The following UBE2Q1 variants were observed in gnomAD, a reference collection of about 807,000 sequenced individuals.
UBE2Q1 encodes ubiquitin-conjugating enzyme E2 Q1.
UBE2Q1 carries 6 observed loss-of-function variants against 60.1 expected under a neutral mutation model. The observed-to-expected ratio is 0.10, with a 90% confidence interval of 0.05 to 0.20. The LOEUF is 0.20. UBE2Q1 is among the 10% of genes least tolerant of loss of function. The probability of loss-of-function intolerance (pLI) is 1.00; values close to 1 mark genes in which losing one functional copy is unlikely to be tolerated. For missense variants in UBE2Q1, 262 were observed against 525.8 expected (o/e 0.50, Z 4.91); for synonymous variants, 226 against 208.3 (o/e 1.09, Z -0.73).
chr1:154,552,233 T>C, intron 7 of UBE2Q1, 50 bp from the exon 8 acceptor site: 2 of 1,606,418 alleles, frequency 1.2e-6, no homozygotes, highest in Non-Finnish European at 1.7e-6. Context: ...CCTCAGGAGC[T>C]TCATAAGGGC....
In UBE2Q1 at chr1:154,549,102, C is replaced by T. The variant is rs1228335474; in HGVS notation, c.*1336G>A. The T allele has an allele frequency of 6.6e-6, 1 of 152,162 alleles. No homozygotes were observed. Among genetic ancestry groups the T allele is most frequent in the Non-Finnish European group, 1.5e-5 (1 of 68,022 alleles). 9.4% of individuals were successfully genotyped at this position (152,162 alleles called of 1,614,324 possible). A position where few individuals can be genotyped will look rare whatever the true frequency, so the allele number is the denominator to read the frequency against. On this transcript the variant is annotated 3_prime_UTR_variant, in exon 13 of 13. Coordinates refer to ENST00000292211, the MANE Select transcript of UBE2Q1 (RefSeq NM_017582.7). Reference sequence around the variant, plus strand: ...CACTGTTAATGAGAGCTGCTGGCATCGTAGGTCCTAAGAGGCTGAGTCCCA... The same window carrying T: ...CACTGTTAATGAGAGCTGCTGGCATTGTAGGTCCTAAGAGGCTGAGTCCCA...
At position 154,556,555 on chromosome 1, in the gene UBE2Q1, C is replaced by A. The variant is rs74790218; in HGVS notation, c.328-591G>T. On this transcript the variant is annotated intron_variant, in intron 1 of 12. Coordinates refer to ENST00000292211, the MANE Select transcript of UBE2Q1 (RefSeq NM_017582.7). Reference sequence around the variant, plus strand: ...ATTCTCCCCACCTCTCCCTTGGGAACCTGCCACCTTCTCAGTCCAGGCGTG... The same window carrying A: ...ATTCTCCCCACCTCTCCCTTGGGAAACTGCCACCTTCTCAGTCCAGGCGTG... Among the ~76,000 whole-genome samples, 1,378 of 152,350 alleles carry A rather than the reference C, an allele frequency of 9.0e-3. 21 individuals are homozygous for A. Among genetic ancestry groups the A allele is most frequent in the African/African-American group, 0.032 (1,310 of 41,568 alleles).
chr1:154,558,548 C>A lies in UBE2Q1; in HGVS notation c.6G>T (p.Gln2His). 1 of 1,066,074 alleles carries A rather than the reference C, an allele frequency of 9.4e-7. No individual in the cohort carries two copies. Among genetic ancestry groups the A allele is most frequent in the Non-Finnish European group, 1.1e-6 (1 of 889,416 alleles). 66.0% of individuals were successfully genotyped at this position (1,066,074 alleles called of 1,614,324 possible). The change falls in exon 1 of 13, where the codon CAG becomes CAT. Residue 2 changes from glutamine to histidine, a missense_variant. By Grantham distance (24) the Gln-to-His change is conservative. Around this residue, in one of 5 missense-constraint regions of UBE2Q1, gnomAD observed 70 missense variants for 56.7 expected, o/e 1.24. Coordinates refer to ENST00000292211, the MANE Select transcript of UBE2Q1 (RefSeq NM_017582.7). M[Q>H]QPQPQGQQQP... ...GCTGCTGCCCCTGCGGCTGCGGCTG[C>A]TGCATCCTCCGCTCCGCTCCGCTCC...
chr1:154,550,891 G>C, intron 12 of UBE2Q1, 47 bp downstream of exon 12: 2 of 1,613,880 alleles, frequency 1.2e-6, no homozygotes, highest in Non-Finnish European at 1.7e-6. Flanking sequence ...GTGAAAACCT[G>C]GGTGTGGCAA....
At position 154,555,545 on chromosome 1, in the gene UBE2Q1, G is replaced by A; in HGVS notation, c.433-13C>T. 1.9e-6 allele frequency: 3 copies of A among 1,609,192 alleles called. No homozygotes were observed. The highest frequency in any genetic ancestry group is 2.6e-6 in the Non-Finnish European group (3 of 1,175,566). The stretch of plus-strand genomic sequence containing the variant: ...GATGCTGCAATAGCTACAGGTAGGG[G>A]AGCACAGAGACATCAAATCCTTCCC... On this transcript the variant is annotated splice_polypyrimidine_tract_variant and intron_variant, in intron 2 of 12. Transcript: ENST00000292211.
intron 7 of UBE2Q1, 52 bp downstream of exon 7, chr1:154,552,352 C>T: frequency 1.2e-6 from 2 of 1,608,868 alleles, no homozygotes; most frequent in South Asian, 2.2e-5. Context: ...CCACAGTAGC[C>T]CCACTCACAC....
chr1:154,555,227 T>C lies in UBE2Q1; in HGVS notation c.537+201A>G, dbSNP rs543882081. The stretch of plus-strand genomic sequence containing the variant: ...TGCTGCCCATGAGAATGAATTTTGA[T>C]ATCAGAGATGAAGCTACCAGTGCCC... On this transcript the variant is annotated intron_variant, in intron 3 of 12. Transcript: ENST00000292211. 7.9e-5 allele frequency among the ~76,000 whole-genome samples: 12 copies of C among 152,352 alleles called. No individual in the cohort carries two copies. In the East Asian group the frequency reaches 2.3e-3, roughly 29 times the overall value.
In UBE2Q1 at chr1:154,548,969, C is replaced by CA. The variant is rs1159978859; in HGVS notation, c.*1468dup. On this transcript the variant is annotated 3_prime_UTR_variant, in exon 13 of 13. Transcript: ENST00000292211. ...GGCCAATGTGAAAATTGCTGTGTCTCAAAGCATTACAGAACTGCTCTAGCA... is the reference window on the plus strand; with the variant it reads ...GGCCAATGTGAAAATTGCTGTGTCTCAAAAGCATTACAGAACTGCTCTAGCA... The CA allele has an allele frequency of 6.6e-6, 1 of 152,624 alleles. No individual in the cohort carries two copies. The highest frequency in any genetic ancestry group is 2.4e-5 in the African/African-American group (1 of 41,444). 9.5% of individuals were successfully genotyped at this position (152,624 alleles called of 1,614,324 possible).
At chr1:154,554,017 T>C (rs935295127) in intron 4 of UBE2Q1, among the ~76,000 whole-genome samples, 1 of 152,276 alleles carries the variant, frequency 6.6e-6, no homozygotes, top group African/African-American at 2.4e-5. Context: ...TGGCAGGACA[T>C]ACCTAATTAC....
chr1:154,554,208 G>A (rs1235081211), intron 4 of UBE2Q1, among the ~76,000 whole-genome samples: 3 of 152,202 alleles, frequency 2.0e-5, no homozygotes, highest in African/African-American at 7.2e-5. Flanking sequence ...ACAGCTCTTA[G>A]CAGAGCTAAG....
rs1695742089 is a variant in UBE2Q1, at chr1:154,548,763, G to A, written c.*1675C>T. On this transcript the variant is annotated 3_prime_UTR_variant, in exon 13 of 13. Transcript: ENST00000292211. ...AAACCAGATTTCAGCTCTATGGAAT[G>A]AATTTTCCCCTTATGTCCCGTCTTT... 1 of 152,610 alleles carries A rather than the reference G, an allele frequency of 6.6e-6. No homozygotes were observed. The highest frequency in any genetic ancestry group is 1.5e-5 in the Non-Finnish European group (1 of 68,054). 9.5% of individuals were successfully genotyped at this position (152,610 alleles called of 1,614,324 possible). A position where few individuals can be genotyped will look rare whatever the true frequency, so the allele number is the denominator to read the frequency against.
chr1:154,553,034 T>G lies in UBE2Q1; in HGVS notation c.727A>C (p.Asn243His), dbSNP rs373938647. ...GCCTCTCTCTAGAAGGCACGTACATTTAAGTAATCTTGCCTCTGGTTCTTT... is the reference window on the plus strand; with the variant it reads ...GCCTCTCTCTAGAAGGCACGTACATGTAAGTAATCTTGCCTCTGGTTCTTT... ...IKKNQRQDYLNGAVSGSVQAT... is the reference protein window; with the variant it reads ...IKKNQRQDYLHGAVSGSVQAT... Residue 243 changes from asparagine (N) to histidine (H), a missense_variant and splice_region_variant, in exon 5 of 13, where the codon AAT (asparagine) becomes CAT (histidine). Around this residue, in one of 5 missense-constraint regions of UBE2Q1, gnomAD observed 111 missense variants for 266.8 expected, o/e 0.42. Coordinates refer to ENST00000292211, the MANE Select transcript of UBE2Q1 (RefSeq NM_017582.7). The G allele has an allele frequency of 1.0e-4, 166 of 1,613,820 alleles. No individual in the cohort carries two copies. The highest frequency in any genetic ancestry group is 1.2e-4 in the Non-Finnish European group (146 of 1,179,992).
intron 1 of UBE2Q1, among the ~76,000 whole-genome samples, chr1:154,556,956 C>T (rs1371104013): frequency 3.3e-5 from 5 of 152,320 alleles, no homozygotes; most frequent in Admixed American, 2.0e-4. Context: ...CTCTAATCCT[C>T]AATGCTGGAG....
Position 154,551,797 on chromosome 1 carries a change from T to C in UBE2Q1, c.1048A>G (p.Ile350Val). 1 of 1,614,178 alleles carries C rather than the reference T, an allele frequency of 6.2e-7. No individual in the cohort carries two copies. Among genetic ancestry groups the C allele is most frequent in the Non-Finnish European group, 8.5e-7 (1 of 1,180,018 alleles). The stretch of plus-strand genomic sequence containing the variant: ...TGTTTGGTGAGAAGTTCCATGCAGA[T>C]GGCCCCTCCGCCCAGAACATACCTG... ...SGGYVLGGGAICMELLTKQGW... is the reference protein window; with the variant it reads ...SGGYVLGGGAVCMELLTKQGW... The change falls in exon 10 of 13, where the codon ATC becomes GTC. Residue 350 changes from isoleucine to valine, a missense_variant. By Grantham distance (29) the Ile-to-Val change is conservative. Coordinates refer to ENST00000292211, the MANE Select transcript of UBE2Q1 (RefSeq NM_017582.7).
intron 1 of UBE2Q1, among the ~76,000 whole-genome samples, chr1:154,556,296 C>G (rs981904955): frequency 1.3e-5 from 2 of 152,198 alleles, no homozygotes; most frequent in African/African-American, 4.8e-5. Flanking sequence ...ACTGCCTATA[C>G]AAGTTCTAGA....
In UBE2Q1 at chr1:154,552,147, C is replaced by G. The variant is rs1244213945; in HGVS notation, c.912G>C (p.Gln304His). Residue 304 changes from glutamine to histidine, a missense_variant, in exon 8 of 13, where the codon CAG (glutamine) becomes CAC (histidine). By Grantham distance (24) the Gln-to-His change is conservative. Transcript: ENST00000292211. ...DQDSALHNDLQILKEKEGADF... is the reference protein window; with the variant it reads ...DQDSALHNDLHILKEKEGADF... ...CGGCTCCTTCTTTCTCTTTGAGGATCTGGAGATCGTTGTGCAAAGCGCTGT... is the reference window on the plus strand; with the variant it reads ...CGGCTCCTTCTTTCTCTTTGAGGATGTGGAGATCGTTGTGCAAAGCGCTGT... 7.4e-6 allele frequency: 12 copies of G among 1,614,126 alleles called. No homozygotes were observed. Among genetic ancestry groups the G allele is most frequent in the Admixed American group, 1.7e-5 (1 of 60,004 alleles).
chr1:154,551,740 C>A (rs766863558), intron 10 of UBE2Q1, 31 bp downstream of exon 10: 1 of 1,614,148 alleles, frequency 6.2e-7, no homozygotes, highest in Admixed American at 1.7e-5. Context: ...CCGCCCAGGC[C>A]GGCCTGGCCA....
chr1:154,556,504 C>G (rs1224120493), intron 1 of UBE2Q1, among the ~76,000 whole-genome samples: 3 of 152,362 alleles, frequency 2.0e-5, no homozygotes, highest in East Asian at 3.9e-4. Context: ...ACCCACACCA[C>G]TTCCAGAAGA....
At chr1:154,552,360 C>G in intron 7 of UBE2Q1, 44 bp downstream of exon 7, 1 of 1,611,950 alleles carries the variant, frequency 6.2e-7, no homozygotes, top group South Asian at 1.1e-5. Context: ...GCCCCACTCA[C>G]ACTCCTCCTC....
Sources: gnomAD v4.1 joint callset for allele counts (sites outside exome capture counted in the v4.1 genomes callset) on GRCh38, gnomAD v4.1.1 for gene constraint, gnomAD v4.1.1 regional missense constraint, MANE v1.5 for transcripts, NCBI Gene and HGNC (gene_info 2026-07-23, HGNC 2026-07-21) for gene names.